PRKN: variants seen among roughly 807,000 people sequenced by gnomAD.
PRKN encodes E3 ubiquitin-protein ligase parkin.
In PRKN, 56 loss-of-function variants were observed where a neutral mutation model predicts 59.5. The ratio of observed to expected loss-of-function variants is 0.94; its 90% CI spans 0.76 to 1.18. PRKN has a LOEUF of 1.18. Ranked by LOEUF, PRKN falls within the 50% of genes most tolerant of loss-of-function variation. The pLI, the probability that PRKN is intolerant of heterozygous loss-of-function variation, is 0.00. For synonymous variants in PRKN, 250 were observed against 222.1 expected (o/e 1.13, Z -1.12); for missense variants, 657 against 596.4 (o/e 1.10, Z -1.06).
At chr6:162,652,415 A>G (rs1396622850) in intron 1 of PRKN, among the ~76,000 whole-genome samples, 1 of 152,138 alleles carries the variant, frequency 6.6e-6, no homozygotes, top group East Asian at 1.9e-4. Flanking sequence ...ATTGTTTCCA[A>G]TTTCTCAGTA....
At chr6:161,728,615 A>G (rs1478407129) in intron 7 of PRKN, among the ~76,000 whole-genome samples, 2 of 152,230 alleles carry the variant, frequency 1.3e-5, no homozygotes, top group Non-Finnish European at 2.9e-5. Flanking sequence ...AACACAGGAA[A>G]AAAAGGAGAG....
chr6:161,443,529 C>T (rs1427987604), intron 9 of PRKN, among the ~76,000 whole-genome samples: 1 of 152,104 alleles, frequency 6.6e-6, no homozygotes, highest in African/African-American at 2.4e-5. Context: ...CATTGTCGCA[C>T]AGACTTTGTA....
intron 7 of PRKN, among the ~76,000 whole-genome samples, chr6:161,733,688 C>T (rs565591062): frequency 6.7e-6 from 1 of 150,346 alleles, no homozygotes; most frequent in South Asian, 2.1e-4. Flanking sequence ...GACTGCTGAC[C>T]ATTTCTTTCC....
At chr6:161,380,588 GT>G (rs1237055386) in intron 10 of PRKN, among the ~76,000 whole-genome samples, 2 of 151,784 alleles carry the variant, frequency 1.3e-5, no homozygotes, top group Non-Finnish European at 2.9e-5. Flanking sequence ...ACTATGCGTG[GT>G]AATAAAAGGT....
intron 1 of PRKN, among the ~76,000 whole-genome samples, chr6:162,581,141 AACTGAT>A (rs1780774795): frequency 6.6e-6 from 1 of 152,128 alleles, no homozygotes; most frequent in Non-Finnish European, 1.5e-5. Flanking sequence ...TTAAAAGGAG[AACTGAT>A]ACTAAGACAA....
At chr6:162,162,091 T>C (rs1246674722) in intron 4 of PRKN, among the ~76,000 whole-genome samples, 6 of 152,132 alleles carry the variant, frequency 3.9e-5, no homozygotes, top group Non-Finnish European at 5.9e-5. Context: ...TTTATTTATT[T>C]ATTCATTTTG....
At chr6:162,280,390 G>C (rs927192677) in intron 2 of PRKN, among the ~76,000 whole-genome samples, 3 of 152,056 alleles carry the variant, frequency 2.0e-5, no homozygotes, top group African/African-American at 4.8e-5. Flanking sequence ...TAGTGTCAAG[G>C]GGGAAATTTA....
At chr6:161,695,031 A>G (rs1785960751) in intron 7 of PRKN, among the ~76,000 whole-genome samples, 1 of 152,084 alleles carries the variant, frequency 6.6e-6, no homozygotes, top group African/African-American at 2.4e-5. Context: ...ATTCCAATCT[A>G]CATTGAAGCC....
chr6:162,420,920 A>G (rs930726332), intron 2 of PRKN, among the ~76,000 whole-genome samples: 12 of 152,198 alleles, frequency 7.9e-5, no homozygotes, highest in Admixed American at 2.6e-4. Context: ...TAAATTTTAA[A>G]AACCAGAACA....
At chr6:162,274,037 T>C (rs1780500534) in intron 2 of PRKN, among the ~76,000 whole-genome samples, 1 of 152,122 alleles carries the variant, frequency 6.6e-6, no homozygotes, top group Non-Finnish European at 1.5e-5. Flanking sequence ...AAGCATTTAA[T>C]GGCATCAAAT....
chr6:161,897,662 T>C (rs930415031), intron 6 of PRKN, among the ~76,000 whole-genome samples: 3 of 152,130 alleles, frequency 2.0e-5, no homozygotes, highest in Admixed American at 6.5e-5. Context: ...CTGTGATAAT[T>C]TATGTTGTTC....
intron 6 of PRKN, among the ~76,000 whole-genome samples, chr6:161,796,837 C>T (rs188957254): frequency 1.3e-5 from 2 of 152,286 alleles, no homozygotes; most frequent in Admixed American, 6.5e-5. Context: ...GAGATGCCAT[C>T]TGTAATACAT....
rs895671823 is a variant in PRKN, at chr6:161,413,923, G to C, written c.1084-27046C>G. ...CTTTCTCTTTCCTGCCTTCTGAAGA[G>C]GAGACTGTGGAAAGGGAAGCGAGGC... On this transcript the variant is annotated intron_variant, in intron 9 of 11. Coordinates refer to ENST00000366898, the MANE Select transcript of PRKN (RefSeq NM_004562.3). The surrounding 1 kb of genome is among the most constrained non-coding windows in gnomAD (Gnocchi z 4.4). 6.6e-6 allele frequency among the ~76,000 whole-genome samples: 1 copy of C among 152,114 alleles called. No homozygotes were observed. Among genetic ancestry groups the C allele is most frequent in the African/African-American group, 2.4e-5 (1 of 41,400 alleles).
At chr6:162,575,073 T>A (rs903433823) in intron 1 of PRKN, among the ~76,000 whole-genome samples, 4 of 152,208 alleles carry the variant, frequency 2.6e-5, no homozygotes, top group African/African-American at 9.6e-5. Context: ...ATCAAACTCA[T>A]CAGTGTTCTT....
intron 1 of PRKN, among the ~76,000 whole-genome samples, chr6:162,691,920 T>C (rs1777788486): frequency 6.6e-6 from 1 of 152,104 alleles, no homozygotes; most frequent in African/African-American, 2.4e-5. Flanking sequence ...TGTTAGATCT[T>C]GCTTTTATCA....
intron 5 of PRKN, among the ~76,000 whole-genome samples, chr6:161,984,940 G>A (rs573017817): frequency 3.9e-5 from 6 of 152,126 alleles, no homozygotes; most frequent in Non-Finnish European, 8.8e-5. Flanking sequence ...TCCTGGGCAG[G>A]AATGGCCATC....
chr6:162,067,538 T>C (rs111384694), intron 4 of PRKN, among the ~76,000 whole-genome samples: 1,753 of 152,330 alleles, frequency 0.012, 30 homozygotes, highest in African/African-American at 0.041. Flanking sequence ...AAGTTGACCA[T>C]AAAACCCAAA....
chr6:161,850,305 C>A (rs765596701), intron 6 of PRKN, among the ~76,000 whole-genome samples: 1 of 152,090 alleles, frequency 6.6e-6, no homozygotes, highest in Non-Finnish European at 1.5e-5. Context: ...TGAAGCCAGG[C>A]GCGGCAGCTG....
intron 3 of PRKN, among the ~76,000 whole-genome samples, chr6:162,233,532 A>G (rs1348281439): frequency 6.6e-6 from 1 of 152,356 alleles, no homozygotes; most frequent in South Asian, 2.1e-4. Context: ...AATGACTCTA[A>G]TATCTGAGGA....
Sources: allele counts gnomAD v4.1 joint callset (sites outside exome capture counted in the v4.1 genomes callset), GRCh38; gene constraint gnomAD v4.1.1; non-coding constraint Gnocchi (gnomAD v3.1); transcripts MANE v1.5; gene names NCBI Gene and HGNC (gene_info 2026-07-23, HGNC 2026-07-21).